PIWIL2: variants seen among roughly 807,000 people sequenced by gnomAD.
The protein encoded by PIWIL2 is piwi-like protein 2.
In PIWIL2, 81 loss-of-function variants were observed where a neutral mutation model predicts 116.5. The observed-to-expected ratio is 0.70, with a 90% CI of 0.58 to 0.84. PIWIL2 has a LOEUF of 0.84. PIWIL2 is among the 40% of genes least tolerant of loss of function. The pLI, the probability that PIWIL2 is intolerant of heterozygous loss-of-function variation, is 0.00. For missense variants in PIWIL2, 1,272 were observed against 1,212.3 expected (o/e 1.05, Z -0.73); for synonymous variants, 489 against 429.5 (o/e 1.14, Z -1.71).
chr8:22,331,434 A>G (rs1831860108), intron 20 of PIWIL2, among the ~76,000 whole-genome samples: 1 of 152,006 alleles, frequency 6.6e-6, no homozygotes, highest in Non-Finnish European at 1.5e-5. Flanking sequence ...GTGAGCCATG[A>G]TCGCATTACT....
At chr8:22,342,469 A>C (rs1832133062) in intron 20 of PIWIL2, among the ~76,000 whole-genome samples, 1 of 152,206 alleles carries the variant, frequency 6.6e-6, no homozygotes, top group Admixed American at 6.5e-5. Flanking sequence ...CCAGAAATAG[A>C]CACACACAAA....
At chr8:22,294,899 G>GAAAAAAAAAAAAAAAAAAA (rs375806332) in intron 10 of PIWIL2, among the ~76,000 whole-genome samples, 1 of 79,452 alleles carries the variant, frequency 1.3e-5, no homozygotes. Context: ...CATCTTTACT[G>GAAAAAAAAAAAAAAAAAAA]GAAAAAAAAA....
chr8:22,303,094 T>C (rs1371801881), intron 10 of PIWIL2, among the ~76,000 whole-genome samples: 2 of 152,214 alleles, frequency 1.3e-5, no homozygotes, highest in Admixed American at 6.5e-5. Flanking sequence ...GAGAATAGAC[T>C]GGTAGTTACC....
At chr8:22,282,941 C>T (rs1015275038) in intron 4 of PIWIL2, 93 bp from the exon 5 acceptor site, 18 of 1,000,068 alleles carry the variant, frequency 1.8e-5, no homozygotes, top group Admixed American at 1.6e-4. Context: ...TTTGCTGTCT[C>T]CTCCAGGAAG....
intron 19 of PIWIL2, 149 bp from the exon 20 acceptor site, chr8:22,318,021 C>T (rs1831505394): frequency 1.7e-6 from 1 of 572,234 alleles, no homozygotes; most frequent in Admixed American, 3.3e-5. Flanking sequence ...CATGTCACTG[C>T]TTGTTCTTAC....
chr8:22,329,634 C>T (rs756861893), intron 20 of PIWIL2, among the ~76,000 whole-genome samples: 6 of 152,220 alleles, frequency 3.9e-5, no homozygotes, highest in Non-Finnish European at 7.3e-5. Context: ...TGCCCCACCT[C>T]CAGTATTGGG....
chr8:22,298,995 G>A (rs1455119125), intron 10 of PIWIL2, among the ~76,000 whole-genome samples: 2 of 152,092 alleles, frequency 1.3e-5, no homozygotes, highest in Non-Finnish European at 2.9e-5. Context: ...GATTTAACAG[G>A]CTTAAAACCC....
intron 20 of PIWIL2, among the ~76,000 whole-genome samples, chr8:22,330,064 C>A (rs1267304186): frequency 6.6e-6 from 1 of 152,206 alleles, no homozygotes; most frequent in Admixed American, 6.5e-5. Context: ...CCTTTTGAGA[C>A]AGCAAATATT....
Position 22,337,324 on chromosome 8 carries a change from A to G in PIWIL2, c.2404-15635A>G, listed in dbSNP as rs140247518. Among the ~76,000 whole-genome samples the G allele has an allele frequency of 2.0e-3, 307 of 152,356 alleles. 2 individuals carry two copies. Among genetic ancestry groups the G allele is most frequent in the African/African-American group, 7.0e-3 (293 of 41,592 alleles). ...GCAAGGTTGAAGATACAAGATCAGT[A>G]TATAATAATCAGTTGTATTTCTGTA... On this transcript the variant is annotated intron_variant, in intron 20 of 22. Coordinates refer to ENST00000356766, the MANE Select transcript of PIWIL2 (RefSeq NM_018068.5).
At chr8:22,345,122 G>A (rs1489868869) in intron 20 of PIWIL2, among the ~76,000 whole-genome samples, 1 of 152,202 alleles carries the variant, frequency 6.6e-6, no homozygotes, top group African/African-American at 2.4e-5. Flanking sequence ...AGGCTATAGT[G>A]TGTGAGGATC....
intron 20 of PIWIL2, among the ~76,000 whole-genome samples, chr8:22,328,279 C>T (rs1831773874): frequency 6.6e-6 from 1 of 152,126 alleles, no homozygotes; most frequent in African/African-American, 2.4e-5. Context: ...AATTCTATTC[C>T]ATTGGTCTGT....
Position 22,353,148 on chromosome 8 carries a change from C to T in PIWIL2, c.2593C>T (p.Pro865Ser). 6.2e-7 allele frequency: 1 copy of T among 1,613,906 alleles called. No individual in the cohort carries two copies. Residue 865 changes from proline to serine, a missense_variant, in exon 21 of 23, where the codon CCT (proline) becomes TCT (serine). By Grantham distance (74) the Pro-to-Ser change is moderately conservative. Coordinates refer to ENST00000356766, the MANE Select transcript of PIWIL2 (RefSeq NM_018068.5). ...CAGTACTAATCTATATCTGGCTGCT[C>T]CTCAGAACTTTGTAACTCCCACTCC... ...KISTNLYLAA[P>S]QNFVTPTPGT...
intron 14 of PIWIL2, among the ~76,000 whole-genome samples, chr8:22,309,353 T>G (rs1053915823): frequency 6.6e-5 from 10 of 152,140 alleles, no homozygotes; most frequent in Non-Finnish European, 1.2e-4. Context: ...TTAAAAAAGT[T>G]TTTTTGAGAC....
rs1375462334 is a variant in PIWIL2 at position 22,332,832 on chromosome 8, A to G, written c.2403+14557A>G. Among the ~76,000 whole-genome samples, 3 of 152,162 alleles carry G rather than the reference A, an allele frequency of 2.0e-5. No individual in the cohort carries two copies. In the East Asian group the frequency reaches 5.8e-4, roughly 29 times the overall value. On this transcript the variant is annotated intron_variant, in intron 20 of 22. Coordinates refer to ENST00000356766, the MANE Select transcript of PIWIL2 (RefSeq NM_018068.5). ...CAGCTGACTTACACTGAAGGAAAAT[A>G]TAAAAAGCATTATTCAGCTAGAAGG... is the stretch of plus-strand genomic sequence containing the variant.
chr8:22,298,368 T>C (rs1366919287), intron 10 of PIWIL2, among the ~76,000 whole-genome samples: 1 of 152,242 alleles, frequency 6.6e-6, no homozygotes, highest in South Asian at 2.1e-4. Context: ...TGCTGGAGGC[T>C]GTACTTCTAA....
At chr8:22,298,387 G>A (rs1201151149) in intron 10 of PIWIL2, among the ~76,000 whole-genome samples, 1 of 152,144 alleles carries the variant, frequency 6.6e-6, no homozygotes, top group Non-Finnish European at 1.5e-5. Context: ...AAACCAAAAG[G>A]TCTATTTTAC....
chr8:22,281,354 TG>T (rs1563343573), intron 3 of PIWIL2, 22 bp from the exon 4 acceptor site: 4 of 1,601,826 alleles, frequency 2.5e-6, no homozygotes, highest in Non-Finnish European at 3.4e-6. Context: ...TAGTCATTGC[TG>T]GGGTTCGGTT....
At chr8:22,322,807 C>A (rs1014215673) in intron 20 of PIWIL2, among the ~76,000 whole-genome samples, 7 of 152,178 alleles carry the variant, frequency 4.6e-5, no homozygotes, top group Non-Finnish European at 1.0e-4. Flanking sequence ...TCCCAAAGTG[C>A]CGGGATTACA....
At chr8:22,304,957 G>T in intron 12 of PIWIL2, 89 bp downstream of exon 12, 1 of 866,556 alleles carries the variant, frequency 1.2e-6, no homozygotes, top group South Asian at 1.4e-5. Context: ...TGTGGGAGCT[G>T]TGGAGTAGCA....
Sources: allele counts gnomAD v4.1 joint callset (sites outside exome capture counted in the v4.1 genomes callset), GRCh38; gene constraint gnomAD v4.1.1; transcripts MANE v1.5; gene names NCBI Gene and HGNC (gene_info 2026-07-23, HGNC 2026-07-21).